SEC11A: variants seen among roughly 807,000 people sequenced by gnomAD.
SEC11A encodes the protein SEC11 homolog A, signal peptidase complex subunit, also known as signal peptidase complex catalytic subunit SEC11A.
Under a neutral mutation model 25.6 loss-of-function variants are expected in SEC11A, and 14 were observed. The ratio of observed to expected loss-of-function variants is 0.55; its 90% CI spans 0.36 to 0.85. The LOEUF (loss-of-function observed/expected upper bound fraction) is 0.85, where lower values mean the gene tolerates loss of function less well. Among genes scored for constraint, SEC11A ranks in the 40% least tolerant of loss-of-function variants. SEC11A has a pLI of 0.01. For synonymous variants in SEC11A, 83 were observed against 76.4 expected, an observed-to-expected ratio of 1.09 and a Z score of -0.45; for missense variants, 153 against 222.9, an observed-to-expected ratio of 0.69 and a Z score of 2.00.
intron 1 of SEC11A, among the ~76,000 whole-genome samples, chr15:84,696,842 TGCA>T: frequency 6.6e-6 from 1 of 152,268 alleles, no homozygotes; most frequent in Non-Finnish European, 1.5e-5. Context: ...GTTATAGAGT[TGCA>T]GAAGTTACCT....
At chr15:84,689,136 A>AG (rs1307307119) in intron 2 of SEC11A, among the ~76,000 whole-genome samples, 5 of 151,842 alleles carry the variant, frequency 3.3e-5, no homozygotes, top group Non-Finnish European at 7.4e-5. Context: ...TGGGAGGTTG[A>AG]GGGGGGAGGA....
chr15:84,693,291 G>GT (rs1049153842), intron 1 of SEC11A, among the ~76,000 whole-genome samples: 25 of 150,770 alleles, frequency 1.7e-4, no homozygotes, highest in Non-Finnish European at 3.0e-4. Flanking sequence ...TTTCTTTGTT[G>GT]TTTTTTTCTT....
chr15:84,680,602 T>C (rs1897262146), intron 4 of SEC11A, 111 bp downstream of exon 4: 1 of 1,163,426 alleles, frequency 8.6e-7, no homozygotes, highest in African/African-American at 1.5e-5. Flanking sequence ...GGTGATTTGG[T>C]GGAACCAGAA....
intron 1 of SEC11A, among the ~76,000 whole-genome samples, chr15:84,713,441 G>A (rs1898351884): frequency 6.6e-6 from 1 of 152,096 alleles, no homozygotes; most frequent in South Asian, 2.1e-4. Context: ...TACATGTATT[G>A]TCAATTCTTC....
chr15:84,687,102 C>T (rs1167219793), intron 3 of SEC11A, among the ~76,000 whole-genome samples: 2 of 152,070 alleles, frequency 1.3e-5, no homozygotes, highest in Admixed American at 1.3e-4. Flanking sequence ...GAACTCCTGA[C>T]CTCAGGTGAT....
At chr15:84,712,006 C>T (rs1898286341) in intron 1 of SEC11A, among the ~76,000 whole-genome samples, 2 of 151,804 alleles carry the variant, frequency 1.3e-5, no homozygotes, top group Admixed American at 6.6e-5. Context: ...TTTGAGGATC[C>T]GAGGTGGGAG....
At chr15:84,704,772 T>C (rs532086496) in intron 1 of SEC11A, among the ~76,000 whole-genome samples, 1 of 152,314 alleles carries the variant, frequency 6.6e-6, no homozygotes, top group East Asian at 1.9e-4. Context: ...AGGTTGCATG[T>C]TCCTGTGGCA....
chr15:84,675,168 T>C (rs946777495), intron 4 of SEC11A, among the ~76,000 whole-genome samples: 1 of 152,014 alleles, frequency 6.6e-6, no homozygotes, highest in Admixed American at 6.6e-5. Flanking sequence ...AAGCAGGAGG[T>C]TTAAAGTAAG....
At chr15:84,677,339 T>C (rs1052923482) in intron 4 of SEC11A, among the ~76,000 whole-genome samples, 3 of 152,150 alleles carry the variant, frequency 2.0e-5, no homozygotes, top group Non-Finnish European at 2.9e-5. Flanking sequence ...GTTTTTTTTT[T>C]CTACAGAAAC....
chr15:84,670,058 G>C lies in SEC11A; in HGVS notation c.501C>G (p.Leu167=), dbSNP rs746864428. The C allele has an allele frequency of 6.2e-7, 1 of 1,613,252 alleles. No individual in the cohort carries two copies. The highest frequency in any genetic ancestry group is 2.2e-5 in the East Asian group (1 of 44,872). The part of the protein sequence containing the change: ...NDYPKFKYAV[L]FLLGLFVLVH... Reference sequence around the variant, plus strand: ...CCAGCACGAATAAACCCAGCAAAAAGAGAACTGCATACTAGAAAATAAACA... The same window carrying C: ...CCAGCACGAATAAACCCAGCAAAAACAGAACTGCATACTAGAAAATAAACA... The change falls in exon 6 of 6, where the codon CTC becomes CTG. Residue 167 remains leucine (L), a synonymous_variant. Coordinates refer to ENST00000268220, the MANE Select transcript of SEC11A (RefSeq NM_014300.4).
chr15:84,711,166 G>C lies in SEC11A; in HGVS notation c.51+4859C>G, dbSNP rs555789283. Among the ~76,000 whole-genome samples, 6 of 151,976 alleles carry C rather than the reference G, an allele frequency of 3.9e-5. No individual in the cohort carries two copies. The South Asian group carries it at 1.2e-3, about 32-fold the overall frequency. On this transcript the variant is annotated intron_variant, in intron 1 of 5. Transcript: ENST00000268220. ...GGGAGGCTGAGGTGGGCAGATGGCT[G>C]AGCTCAGGGGTTCACAACCAGCCTG...
At chr15:84,711,649 T>A (rs1226560392) in intron 1 of SEC11A, among the ~76,000 whole-genome samples, 2 of 151,760 alleles carry the variant, frequency 1.3e-5, no homozygotes, top group African/African-American at 4.8e-5. Context: ...GAAACCCCCA[T>A]CTCTACTAAA....
intron 1 of SEC11A, among the ~76,000 whole-genome samples, chr15:84,694,309 C>T (rs972808743): frequency 2.0e-5 from 3 of 151,542 alleles, no homozygotes; most frequent in Non-Finnish European, 2.9e-5. Context: ...AAGCTGAGAT[C>T]GCACCACTGC....
chr15:84,689,797 G>A (rs1880535687), intron 2 of SEC11A, among the ~76,000 whole-genome samples: 1 of 151,828 alleles, frequency 6.6e-6, no homozygotes, highest in South Asian at 2.1e-4. Flanking sequence ...TAGTAGAGAT[G>A]GGGTTTCAAC....
intron 1 of SEC11A, among the ~76,000 whole-genome samples, chr15:84,694,802 C>G (rs1897711793): frequency 6.6e-6 from 1 of 151,284 alleles, no homozygotes; most frequent in Non-Finnish European, 1.5e-5. Context: ...AAAAAAAATA[C>G]AAAAAAAGGC....
chr15:84,683,773 C>T (rs1897340910), intron 3 of SEC11A, among the ~76,000 whole-genome samples: 1 of 152,042 alleles, frequency 6.6e-6, no homozygotes, highest in African/African-American at 2.4e-5. Context: ...GATCCGCCCT[C>T]CTCGGCCTCC....
At chr15:84,700,138 T>C (rs1276693257) in intron 1 of SEC11A, among the ~76,000 whole-genome samples, 2 of 151,926 alleles carry the variant, frequency 1.3e-5, no homozygotes, top group Non-Finnish European at 1.5e-5. Flanking sequence ...AGAATATTTA[T>C]GCAAATCCAA....
intron 2 of SEC11A, among the ~76,000 whole-genome samples, chr15:84,688,796 C>T (rs150607573): frequency 3.4e-4 from 52 of 152,190 alleles, no homozygotes; most frequent in African/African-American, 1.2e-3. Context: ...TTCGGGAGGC[C>T]GAGGTGGGCA....
At chr15:84,695,622 C>A (rs1457995123) in intron 1 of SEC11A, among the ~76,000 whole-genome samples, 1 of 152,138 alleles carries the variant, frequency 6.6e-6, no homozygotes, top group East Asian at 1.9e-4. Flanking sequence ...CAGAGCAAGA[C>A]TGTGTCTCAA....
Sources: gnomAD v4.1 joint callset for allele counts (sites outside exome capture counted in the v4.1 genomes callset) on GRCh38, gnomAD v4.1.1 for gene constraint, MANE v1.5 for transcripts, NCBI Gene and HGNC (gene_info 2026-07-23, HGNC 2026-07-21) for gene names.